Variants in KNTC1 observed in about 807,000 individuals in gnomAD.
KNTC1 encodes kinetochore-associated protein 1.
Under a neutral mutation model 314.4 loss-of-function variants are expected in KNTC1, and 253 were observed. The observed-to-expected ratio is 0.80, with a 90% CI of 0.73 to 0.89. The LOEUF (loss-of-function observed/expected upper bound fraction) is 0.89. KNTC1 is among the 40% of genes least tolerant of loss of function. The pLI is 0.00. For synonymous variants in KNTC1, 901 were observed against 901.4 expected (o/e 1.00, Z 0.01); for missense variants, 2,475 against 2,572.9 (o/e 0.96, Z 0.82).
rs570154357 is a variant in KNTC1, at chr12:122,552,552, A to G, written c.1272+856A>G. ...ACTAATTTTTAAATTTTTTGTAGAG[A>G]CAAGGTTTTCCATGTTACCCAGGCT... On this transcript the variant is annotated intron_variant, in intron 16 of 63. Coordinates refer to ENST00000333479, the MANE Select transcript of KNTC1 (RefSeq NM_014708.6). 8.9e-4 allele frequency among the ~76,000 whole-genome samples: 135 copies of G among 152,014 alleles called. 1 individual carries two copies. The highest frequency in any genetic ancestry group is 3.1e-3 in the African/African-American group (129 of 41,486).
At chr12:122,615,919 G>T (rs1028883154) in intron 57 of KNTC1, among the ~76,000 whole-genome samples, 1 of 152,064 alleles carries the variant, frequency 6.6e-6, no homozygotes, top group Non-Finnish European at 1.5e-5. Flanking sequence ...CAGGCCTCAC[G>T]AGTCACATCT....
At position 122,604,950 on chromosome 12, in the gene KNTC1, C is replaced by T. The variant is rs1219751774; in HGVS notation, c.5249C>T (p.Ala1750Val). Residue 1750 changes from alanine to valine, a missense_variant, in exon 50 of 64, where the codon GCT (alanine) becomes GTT (valine). Physicochemically the swap from Ala to Val is moderately conservative, Grantham distance 64. Coordinates refer to ENST00000333479, the MANE Select transcript of KNTC1 (RefSeq NM_014708.6). Reference protein sequence around the residue: ...HIQYRRSGTEAVLIAHKLNTE... With the variant: ...HIQYRRSGTEVVLIAHKLNTE... ...CAGTACCGGCGATCGGGCACAGAAG[C>T]TGTGCTCATAGCCCACAAGCTGAAC... The T allele has an allele frequency of 1.2e-6, 2 of 1,611,864 alleles. No homozygotes were observed. The highest frequency in any genetic ancestry group is 2.2e-5 in the South Asian group (2 of 90,488).
At position 122,563,759 on chromosome 12, in the gene KNTC1, C is replaced by T. The variant is rs12314476; in HGVS notation, c.1604+1060C>T. ...ACCTCTTTAGAATGATCTGGCTCTT[C>T]TTGTAACGCCAGTCGTGCCCATATG... On this transcript the variant is annotated intron_variant, in intron 20 of 63. Coordinates refer to ENST00000333479, the MANE Select transcript of KNTC1 (RefSeq NM_014708.6). 10,542 of 1,442,362 alleles carry T rather than the reference C, an allele frequency of 7.3e-3. 672 individuals carry two copies. The African/African-American group carries it at 0.13, about 18-fold the overall frequency. 89.3% of individuals were successfully genotyped at this position (1,442,362 alleles called of 1,614,324 possible).
rs778564707 is a variant in KNTC1, at chr12:122,542,139, AT to A, written c.523+14del. The A allele has an allele frequency of 4.0e-5, 56 of 1,411,722 alleles. No individual in the cohort carries two copies. Among genetic ancestry groups the A allele is most frequent in the Non-Finnish European group, 4.9e-5 (51 of 1,039,762 alleles). The allele number at this position is 1,411,722 out of a possible 1,614,324, so 87.4% of individuals were successfully genotyped here. Reference sequence around the variant, plus strand: ...AAAAATTCAACAAGGTAAGTAATACATTATATTTTTATTATTGATTTGCAGC... The same window carrying A: ...AAAAATTCAACAAGGTAAGTAATACATATATTTTTATTATTGATTTGCAGC... On this transcript the variant is annotated intron_variant, in intron 6 of 63. Coordinates refer to ENST00000333479, the MANE Select transcript of KNTC1 (RefSeq NM_014708.6).
At chr12:122,595,933 A>T (rs1870973681) in intron 43 of KNTC1, among the ~76,000 whole-genome samples, 1 of 152,244 alleles carries the variant, frequency 6.6e-6, no homozygotes, top group Admixed American at 6.5e-5. Context: ...AAACTTTAGA[A>T]TATCAGAGAG....
At chr12:122,550,007 A>G in intron 13 of KNTC1, 143 bp downstream of exon 13, 1 of 554,466 alleles carries the variant, frequency 1.8e-6, no homozygotes, top group Non-Finnish European at 3.2e-6. Context: ...CAGGTTTATA[A>G]CTATATTTAT....
chr12:122,606,838 AC>A (rs143061681), intron 51 of KNTC1, among the ~76,000 whole-genome samples: 1 of 151,792 alleles, frequency 6.6e-6, no homozygotes, highest in East Asian at 1.9e-4. Flanking sequence ...ATGCCCCCTT[AC>A]CCCCTGAATA....
At chr12:122,529,789 T>C (rs1351305812) in intron 1 of KNTC1, among the ~76,000 whole-genome samples, 2 of 152,244 alleles carry the variant, frequency 1.3e-5, no homozygotes, top group African/African-American at 4.8e-5. Context: ...TCAGAATTGT[T>C]GGTTTGTGTG....
intron 59 of KNTC1, among the ~76,000 whole-genome samples, chr12:122,619,038 GTTTT>G (rs1289672887): frequency 6.9e-6 from 1 of 144,502 alleles, no homozygotes; most frequent in Non-Finnish European, 1.5e-5. Context: ...TTTGTTTTTT[GTTTT>G]TTGTTTTTTG....
chr12:122,557,986 C>A (rs1323959988), intron 18 of KNTC1, among the ~76,000 whole-genome samples: 2 of 152,214 alleles, frequency 1.3e-5, no homozygotes, highest in African/African-American at 4.8e-5. Flanking sequence ...CGTGGTGGCT[C>A]ACGCCTTAAT....
rs779572734 is a variant in KNTC1, at chr12:122,586,700, G to A, written c.3674-1G>A. 2 of 1,449,848 alleles carry A rather than the reference G, an allele frequency of 1.4e-6. No homozygotes were observed. The highest frequency in any genetic ancestry group is 1.6e-5 in the South Asian group (1 of 64,472). 89.8% of individuals were successfully genotyped at this position (1,449,848 alleles called of 1,614,324 possible). A position where few individuals can be genotyped will look rare whatever the true frequency, so the allele number is the denominator to read the frequency against. The stretch of plus-strand genomic sequence containing the variant: ...GTTTAATGTTTTATTATCTTTTGTA[G>A]AAAGCAAGAGATATCCCTTGGAGTC... On this transcript the variant is annotated splice_acceptor_variant, in intron 37 of 63. Transcript: ENST00000333479. LOFTEE classifies it high-confidence loss of function.
At position 122,573,181 on chromosome 12, in the gene KNTC1, G is replaced by A. The variant is rs759849356; in HGVS notation, c.2179G>A (p.Val727Met). Reference sequence around the variant, plus strand: ...CATAGTGTTCCGAATGTTTGATAAAGTGCTGGCCCCAGAGCTTATTCCCTC... The same window carrying A: ...CATAGTGTTCCGAATGTTTGATAAAATGCTGGCCCCAGAGCTTATTCCCTC... ...TTIVFRMFDK[V>M]LAPELIPSIL... Residue 727 changes from valine to methionine, a missense_variant, in exon 26 of 64, where the codon GTG becomes ATG. By Grantham distance (21) the Val-to-Met change is conservative. Coordinates refer to ENST00000333479, the MANE Select transcript of KNTC1 (RefSeq NM_014708.6). 2.6e-5 allele frequency: 42 copies of A among 1,613,780 alleles called. No individual in the cohort carries two copies. Among genetic ancestry groups the A allele is most frequent in the Non-Finnish European group, 3.5e-5 (41 of 1,179,866 alleles).
At position 122,573,222 on chromosome 12, in the gene KNTC1, T is replaced by C; in HGVS notation, c.2220T>C (p.Phe740=). 1 of 1,613,890 alleles carries C rather than the reference T, an allele frequency of 6.2e-7. No individual in the cohort carries two copies. The highest frequency in any genetic ancestry group is 8.5e-7 in the Non-Finnish European group (1 of 1,179,800). ...TTATTCCCTCCATCTTAGAGAAGTT[T>C]ATAAGAGTTTACATGAGAGAACATG... ...PELIPSILEK[F]IRVYMREHDL... Residue 740 remains phenylalanine, a synonymous_variant, in exon 26 of 64, where the codon TTT becomes TTC. Transcript: ENST00000333479.
intron 42 of KNTC1, chr12:122,593,663 G>A (rs999181547): frequency 2.0e-5 from 3 of 152,264 alleles, no homozygotes; most frequent in Admixed American, 6.6e-5. Context: ...GGAGTGCAGT[G>A]GCATTATCAT....
chr12:122,612,985 C>T, intron 53 of KNTC1, 127 bp from the exon 54 acceptor site: 1 of 652,534 alleles, frequency 1.5e-6, no homozygotes, highest in Admixed American at 2.7e-5. Context: ...ACAGTGCGTT[C>T]CGTAACTGTA....
At chr12:122,540,909 A>G (rs1000774208) in intron 5 of KNTC1, among the ~76,000 whole-genome samples, 1 of 152,176 alleles carries the variant, frequency 6.6e-6, no homozygotes, top group Non-Finnish European at 1.5e-5. Context: ...GGTGGCTCAC[A>G]TCTGTAATTC....
intron 21 of KNTC1, among the ~76,000 whole-genome samples, chr12:122,568,746 G>A (rs1487987134): frequency 6.6e-6 from 1 of 152,036 alleles, no homozygotes; most frequent in Non-Finnish European, 1.5e-5. Flanking sequence ...TGAGGCAGGG[G>A]AATTTCTTTA....
chr12:122,575,476 G>C (rs375778933), intron 27 of KNTC1, 67 bp from the exon 28 acceptor site: 2 of 1,007,180 alleles, frequency 2.0e-6, no homozygotes, highest in East Asian at 5.2e-5. Flanking sequence ...TGATTAGACT[G>C]TGCTGTTCAC....
intron 40 of KNTC1, among the ~76,000 whole-genome samples, chr12:122,589,757 A>G (rs1236269547): frequency 7.7e-6 from 1 of 129,616 alleles, no homozygotes; most frequent in Non-Finnish European, 1.6e-5. Context: ...CAGGCATGAT[A>G]TTGTGCCCGG....
Sources: allele counts gnomAD v4.1 joint callset (sites outside exome capture counted in the v4.1 genomes callset), GRCh38; gene constraint gnomAD v4.1.1; transcripts MANE v1.5; gene names NCBI Gene and HGNC (gene_info 2026-07-23, HGNC 2026-07-21).